The following PPFIA2 variants were observed in gnomAD, a reference collection of about 807,000 sequenced individuals.
PPFIA2 encodes liprin-alpha-2.
Under a neutral mutation model 175.5 loss-of-function variants are expected in PPFIA2, and 46 were observed. The ratio of observed to expected loss-of-function variants is 0.26; its 90% confidence interval spans 0.21 to 0.34. The LOEUF is 0.34. PPFIA2 is among the 10% of genes least tolerant of loss of function. The probability of loss-of-function intolerance (pLI) is 1.00; values close to 1 mark genes in which losing one functional copy is unlikely to be tolerated. For missense variants in PPFIA2, 1,179 were observed against 1,506.1 expected (o/e 0.78, Z 3.60); for synonymous variants, 568 against 511.4 (o/e 1.11, Z -1.49).
chr12:81,301,291 G>A (rs1464023889), intron 22 of PPFIA2, among the ~76,000 whole-genome samples: 1 of 152,078 alleles, frequency 6.6e-6, no homozygotes, highest in Non-Finnish European at 1.5e-5. Flanking sequence ...TAGGGAAAGC[G>A]ACACTTCTAG....
chr12:81,427,353 C>T (rs959675055), intron 7 of PPFIA2, among the ~76,000 whole-genome samples: 3 of 152,020 alleles, frequency 2.0e-5, no homozygotes, highest in African/African-American at 7.2e-5. Context: ...TTTCAAAATG[C>T]TAGTAATAAT....
At chr12:81,648,214 A>C (rs2066464051) in intron 4 of PPFIA2, among the ~76,000 whole-genome samples, 1 of 151,864 alleles carries the variant, frequency 6.6e-6, no homozygotes, top group African/African-American at 2.4e-5. Context: ...TAATAAAATT[A>C]AAATCAATTC....
chr12:81,666,727 G>A lies in PPFIA2; in HGVS notation c.303+10064C>T, dbSNP rs1010842221. ...GTATACATATGTAACTAACCTGCAC[G>A]TTGTGCACACGTACCCTAAAACTTA... On this transcript the variant is annotated intron_variant, in intron 4 of 32. Transcript: ENST00000549396. Among the ~76,000 whole-genome samples, 8 of 151,998 alleles carry A rather than the reference G, an allele frequency of 5.3e-5. No individual in the cohort carries two copies. The East Asian group carries it at 7.8e-4, about 15-fold the overall frequency.
chr12:81,738,419 T>A (rs1366122248), intron 3 of PPFIA2, among the ~76,000 whole-genome samples: 1 of 151,594 alleles, frequency 6.6e-6, no homozygotes, highest in African/African-American at 2.4e-5. Context: ...AAGAATGAGA[T>A]CCAGAAAGAA....
At chr12:81,485,179 C>A (rs575152425) in intron 4 of PPFIA2, among the ~76,000 whole-genome samples, 1 of 151,876 alleles carries the variant, frequency 6.6e-6, no homozygotes, top group Non-Finnish European at 1.5e-5. Flanking sequence ...ATTTCTAATT[C>A]AAAGTGATAC....
At chr12:81,409,126 G>C (rs990191951) in intron 7 of PPFIA2, among the ~76,000 whole-genome samples, 3 of 152,174 alleles carry the variant, frequency 2.0e-5, no homozygotes, top group Admixed American at 6.6e-5. Context: ...GTGAACACAA[G>C]AGATGGCTAG....
At chr12:81,739,441 A>G (rs1597079192) in intron 3 of PPFIA2, among the ~76,000 whole-genome samples, 1 of 152,024 alleles carries the variant, frequency 6.6e-6, no homozygotes, top group African/African-American at 2.4e-5. Context: ...GCATTTTAAA[A>G]TAAACTTTTC....
At chr12:81,675,971 A>G (rs528759681) in intron 4 of PPFIA2, among the ~76,000 whole-genome samples, 1 of 152,200 alleles carries the variant, frequency 6.6e-6, no homozygotes, top group East Asian at 1.9e-4. Context: ...GAGCTAGAAC[A>G]GAAAGTTATC....
intron 3 of PPFIA2, among the ~76,000 whole-genome samples, chr12:81,709,305 C>T (rs1172815885): frequency 6.6e-6 from 1 of 152,118 alleles, no homozygotes; most frequent in South Asian, 2.1e-4. Flanking sequence ...TCACCACTTC[C>T]CCTAATGTAG....
chr12:81,286,136 G>A (rs7484537), intron 24 of PPFIA2, among the ~76,000 whole-genome samples: 1 of 151,936 alleles, frequency 6.6e-6, no homozygotes, highest in East Asian at 1.9e-4. Context: ...AGGATATAAA[G>A]AAAGATATTA....
chr12:81,338,604 CA>C (rs72511331), intron 21 of PPFIA2, among the ~76,000 whole-genome samples: 3 of 150,712 alleles, frequency 2.0e-5, no homozygotes, highest in East Asian at 2.0e-4. Context: ...TAGTTTTAAG[CA>C]AAAAAAAATC....
At chr12:81,541,305 ATTGT>A (rs375009064) in intron 4 of PPFIA2, among the ~76,000 whole-genome samples, 1 of 151,930 alleles carries the variant, frequency 6.6e-6, no homozygotes, top group African/African-American at 2.4e-5. Flanking sequence ...GCTGTGGGAA[ATTGT>A]TTGTGGCTCA....
At chr12:81,739,949 G>T (rs1315359379) in intron 3 of PPFIA2, among the ~76,000 whole-genome samples, 2 of 152,050 alleles carry the variant, frequency 1.3e-5, no homozygotes, top group Non-Finnish European at 2.9e-5. Context: ...CTTTGTACTT[G>T]CCTGGAAGAC....
intron 17 of PPFIA2, among the ~76,000 whole-genome samples, chr12:81,350,957 A>T (rs1456298183): frequency 2.0e-5 from 3 of 152,184 alleles, no homozygotes; most frequent in African/African-American, 7.2e-5. Context: ...TGAAAAAACA[A>T]GTTAAGAATG....
chr12:81,457,916 G>A (rs2053860637), intron 4 of PPFIA2, 50 bp from the exon 5 acceptor site: 1 of 1,262,572 alleles, frequency 7.9e-7, no homozygotes, highest in South Asian at 1.4e-5. Flanking sequence ...TCTAAAAGCA[G>A]AAAAAAATTC....
chr12:81,493,140 T>C (rs2059596331), intron 4 of PPFIA2, among the ~76,000 whole-genome samples: 1 of 152,076 alleles, frequency 6.6e-6, no homozygotes, highest in Non-Finnish European at 1.5e-5. Context: ...CAGTTTTTGA[T>C]GCGTTAAATT....
intron 8 of PPFIA2, among the ~76,000 whole-genome samples, chr12:81,387,190 A>T (rs1409958445): frequency 6.6e-6 from 1 of 152,078 alleles, no homozygotes; most frequent in Non-Finnish European, 1.5e-5. Context: ...TTATCACTGT[A>T]TTTGTGCTAT....
chr12:81,332,383 A>G (rs1001531263), intron 21 of PPFIA2, among the ~76,000 whole-genome samples: 11 of 152,074 alleles, frequency 7.2e-5, no homozygotes, highest in Admixed American at 6.6e-4. Context: ...GCTGTTTAAC[A>G]TAGTTTCAAT....
chr12:81,336,462 T>C (rs916399045), intron 21 of PPFIA2, among the ~76,000 whole-genome samples: 7 of 152,202 alleles, frequency 4.6e-5, no homozygotes, highest in Admixed American at 1.3e-4. Context: ...GAAGTTTATG[T>C]TATTACCCTA....
Sources: gnomAD v4.1 joint callset for allele counts (sites outside exome capture counted in the v4.1 genomes callset) on GRCh38, gnomAD v4.1.1 for gene constraint, MANE v1.5 for transcripts, NCBI Gene and HGNC (gene_info 2026-07-23, HGNC 2026-07-21) for gene names.